Variants in ITGBL1 observed in about 807,000 individuals in gnomAD.
The protein encoded by ITGBL1 is integrin beta-like protein 1.
Under a neutral mutation model 68.5 loss-of-function variants are expected in ITGBL1, and 51 were observed. That is an observed-to-expected ratio of 0.74 (90% confidence interval 0.59 to 0.94). The LOEUF is 0.94. ITGBL1 is among the 40% of genes least tolerant of loss of function. ITGBL1 has a pLI of 0.00. For synonymous variants in ITGBL1, 209 were observed against 227.3 expected (o/e 0.92, Z 0.72); for missense variants, 649 against 647.4 (o/e 1.00, Z -0.03).
intron 6 of ITGBL1, among the ~76,000 whole-genome samples, chr13:101,595,656 C>T (rs954547767): frequency 1.1e-4 from 17 of 152,068 alleles, no homozygotes; most frequent in African/African-American, 4.1e-4. Flanking sequence ...GAAATATGAC[C>T]TCACAACTGT....
chr13:101,518,512 C>T (rs1400357835), intron 2 of ITGBL1, among the ~76,000 whole-genome samples: 2 of 152,104 alleles, frequency 1.3e-5, no homozygotes, highest in Non-Finnish European at 2.9e-5. Context: ...GTTATTGCTC[C>T]TGTCATTCAG....
At chr13:101,520,683 G>A (rs1419680931) in intron 2 of ITGBL1, among the ~76,000 whole-genome samples, 1 of 152,262 alleles carries the variant, frequency 6.6e-6, no homozygotes, top group East Asian at 1.9e-4. Context: ...AGGCTGCCTC[G>A]CTGGAACCAA....
chr13:101,543,659 A>G (rs758814553), intron 2 of ITGBL1, among the ~76,000 whole-genome samples: 5 of 152,162 alleles, frequency 3.3e-5, no homozygotes, highest in Non-Finnish European at 4.4e-5. Context: ...GTGTTTTCCA[A>G]CTTGGTTCCA....
At chr13:101,647,660 T>G in intron 7 of ITGBL1, among the ~76,000 whole-genome samples, 1 of 152,012 alleles carries the variant, frequency 6.6e-6, no homozygotes, top group Admixed American at 6.6e-5. Context: ...AGCAGATAAC[T>G]TGGATATAAG....
At chr13:101,547,480 T>C (rs1243409586) in intron 2 of ITGBL1, among the ~76,000 whole-genome samples, 1 of 151,834 alleles carries the variant, frequency 6.6e-6, no homozygotes. Flanking sequence ...AACACCTCTT[T>C]GGAAGTATAC....
intron 6 of ITGBL1, among the ~76,000 whole-genome samples, chr13:101,596,308 A>C (rs2029967255): frequency 6.6e-6 from 1 of 152,200 alleles, no homozygotes; most frequent in South Asian, 2.1e-4. Context: ...GAGACTTTGC[A>C]TACAAACTTT....
At chr13:101,515,894 A>T (rs771302750) in intron 2 of ITGBL1, among the ~76,000 whole-genome samples, 3 of 152,154 alleles carry the variant, frequency 2.0e-5, no homozygotes, top group Non-Finnish European at 4.4e-5. Flanking sequence ...TTCTTCTAGA[A>T]CACATTACTT....
At chr13:101,482,525 G>T (rs1472441978) in intron 2 of ITGBL1, among the ~76,000 whole-genome samples, 1 of 151,930 alleles carries the variant, frequency 6.6e-6, no homozygotes, top group East Asian at 1.9e-4. Context: ...TATGACATTT[G>T]ATTACAATAT....
chr13:101,584,028 A>G (rs190587431), intron 6 of ITGBL1, among the ~76,000 whole-genome samples: 5 of 152,376 alleles, frequency 3.3e-5, no homozygotes, highest in African/African-American at 1.2e-4. Flanking sequence ...ACAGGATAAT[A>G]CAGTGCTCAG....
At chr13:101,453,083 C>A in intron 1 of ITGBL1, 152 bp downstream of exon 1, 1 of 623,724 alleles carries the variant, frequency 1.6e-6, no homozygotes, top group Non-Finnish European at 2.9e-6. Flanking sequence ...CTCCTTATAT[C>A]TACAGCGTGT....
chr13:101,583,181 G>T (rs373006448), intron 5 of ITGBL1, 35 bp from the exon 6 acceptor site: 1 of 1,601,190 alleles, frequency 6.2e-7, no homozygotes, highest in South Asian at 1.1e-5. Flanking sequence ...GGTTTTTCTT[G>T]ACTGGATTCT....
intron 2 of ITGBL1, among the ~76,000 whole-genome samples, chr13:101,488,104 T>TA (rs1265750138): frequency 1.3e-5 from 2 of 152,176 alleles, no homozygotes; most frequent in Non-Finnish European, 2.9e-5. Flanking sequence ...AGTAAACAGA[T>TA]ACTGGTTTTT....
At chr13:101,484,637 T>C (rs2048674972) in intron 2 of ITGBL1, among the ~76,000 whole-genome samples, 1 of 152,140 alleles carries the variant, frequency 6.6e-6, no homozygotes, top group Admixed American at 6.5e-5. Flanking sequence ...TTTTGCTACA[T>C]GAATATGTTG....
chr13:101,585,465 C>T (rs545461797), intron 6 of ITGBL1, among the ~76,000 whole-genome samples: 1 of 152,304 alleles, frequency 6.6e-6, no homozygotes, highest in South Asian at 2.1e-4. Context: ...GAGTCTCCCT[C>T]TGTTGCCCAG....
intron 2 of ITGBL1, among the ~76,000 whole-genome samples, chr13:101,518,478 A>G (rs1271307784): frequency 1.3e-5 from 2 of 152,174 alleles, no homozygotes; most frequent in Non-Finnish European, 2.9e-5. Context: ...CCTACTCCAG[A>G]GTATTTATCT....
chr13:101,581,312 T>C (rs542917150), intron 5 of ITGBL1, among the ~76,000 whole-genome samples: 3 of 152,278 alleles, frequency 2.0e-5, no homozygotes, highest in Non-Finnish European at 4.4e-5. Flanking sequence ...AACTCATTTA[T>C]CCTATTATGA....
chr13:101,493,419 T>TA (rs1473791693), intron 2 of ITGBL1, among the ~76,000 whole-genome samples: 2 of 152,146 alleles, frequency 1.3e-5, no homozygotes, highest in African/African-American at 4.8e-5. Flanking sequence ...CGATTCTCAA[T>TA]ATTGCAGTAA....
At chr13:101,507,729 G>A (rs2049048856) in intron 2 of ITGBL1, among the ~76,000 whole-genome samples, 1 of 152,006 alleles carries the variant, frequency 6.6e-6, no homozygotes, top group African/African-American at 2.4e-5. Context: ...CTGGCCTTTT[G>A]GAAATAACTT....
chr13:101,532,665 A>G (rs1251159373), intron 2 of ITGBL1, among the ~76,000 whole-genome samples: 1 of 152,220 alleles, frequency 6.6e-6, no homozygotes, highest in Non-Finnish European at 1.5e-5. Flanking sequence ...GTACATATGC[A>G]AAGGAATTTT....
Sources: gnomAD v4.1 joint callset for allele counts (sites outside exome capture counted in the v4.1 genomes callset) on GRCh38, gnomAD v4.1.1 for gene constraint, MANE v1.5 for transcripts, NCBI Gene and HGNC (gene_info 2026-07-23, HGNC 2026-07-21) for gene names.